The following OPCML variants were observed in gnomAD, a reference collection of about 807,000 sequenced individuals.
The protein encoded by OPCML is opioid binding protein/cell adhesion molecule like.
A neutral mutation model predicts 37.8 loss-of-function variants in OPCML; 13 were observed. That is an observed-to-expected ratio of 0.34 (90% CI 0.22 to 0.55). The LOEUF (loss-of-function observed/expected upper bound fraction) is 0.55, where lower values mean the gene tolerates loss of function less well. OPCML is among the 20% of genes least tolerant of loss of function. OPCML has a pLI of 0.91. For synonymous variants in OPCML, 176 were observed against 168.8 expected (o/e 1.04, Z -0.33); for missense variants, 341 against 435.6 (o/e 0.78, Z 1.93).
intron 1 of OPCML, among the ~76,000 whole-genome samples, chr11:133,367,633 T>TG (rs1395340786): frequency 1.3e-5 from 2 of 152,178 alleles, no homozygotes; most frequent in East Asian, 3.9e-4. Flanking sequence ...CAGTTAAGAG[T>TG]GGTTCCAATT....
chr11:133,158,902 T>C (rs963051336), intron 1 of OPCML, among the ~76,000 whole-genome samples: 24 of 152,072 alleles, frequency 1.6e-4, no homozygotes, highest in African/African-American at 5.6e-4. Flanking sequence ...GGCAGAAATG[T>C]GGTCAACAGC....
intron 2 of OPCML, among the ~76,000 whole-genome samples, chr11:132,822,223 G>A (rs1940035840): frequency 6.6e-6 from 1 of 151,354 alleles, no homozygotes; most frequent in Non-Finnish European, 1.5e-5. Context: ...CCTGTTTGAA[G>A]GCCCTCCATG....
intron 4 of OPCML, among the ~76,000 whole-genome samples, chr11:132,457,008 G>T (rs1244210996): frequency 2.0e-5 from 3 of 152,200 alleles, no homozygotes; most frequent in East Asian, 1.9e-4. Context: ...TGCATGGGGG[G>T]AGGGATGCCG....
rs377686649 is a variant in OPCML, at chr11:132,759,344, T to C, written c.147-102025A>G. ...TGAGTTAGTGAGGAGTCTCTCTTTT[T>C]CTATTGTTTGGAATAGTTTTAGAAG... On this transcript the variant is annotated intron_variant, in intron 2 of 7. Coordinates refer to ENST00000524381, the MANE Select transcript of OPCML (RefSeq NM_001012393.5). Among the ~76,000 whole-genome samples, 324 of 152,330 alleles carry C rather than the reference T, an allele frequency of 2.1e-3. 2 individuals are homozygous for C. Among genetic ancestry groups the C allele is most frequent in the African/African-American group, 7.4e-3 (309 of 41,578 alleles).
chr11:133,039,398 A>G (rs4387353), intron 1 of OPCML, among the ~76,000 whole-genome samples: 27,661 of 152,054 alleles, frequency 0.18, 2,790 homozygotes, highest in Admixed American at 0.31. Flanking sequence ...TTGCCTCCTC[A>G]TGCCTTCCAA....
At chr11:133,433,676 C>A (rs966343862) in intron 1 of OPCML, among the ~76,000 whole-genome samples, 2 of 152,178 alleles carry the variant, frequency 1.3e-5, no homozygotes, top group Non-Finnish European at 2.9e-5. Context: ...TCCCAAGAAG[C>A]CTCTCTTGCC....
chr11:132,426,663 C>T (rs1244293729), intron 7 of OPCML, among the ~76,000 whole-genome samples: 2 of 152,168 alleles, frequency 1.3e-5, no homozygotes, highest in Non-Finnish European at 2.9e-5. Context: ...AACTGCTAGC[C>T]TCAAGTGACC....
intron 1 of OPCML, among the ~76,000 whole-genome samples, chr11:133,002,516 C>G (rs542750165): frequency 1.3e-5 from 2 of 152,302 alleles, no homozygotes; most frequent in African/African-American, 2.4e-5. Flanking sequence ...CTTTCTTTAT[C>G]TATCAAATAA....
chr11:133,450,266 C>A (rs558208917), intron 1 of OPCML, among the ~76,000 whole-genome samples: 2 of 151,790 alleles, frequency 1.3e-5, no homozygotes, highest in East Asian at 3.9e-4. Context: ...TAGGTATAGT[C>A]AAAATCATCC....
chr11:132,712,917 C>G (rs1944325408), intron 2 of OPCML, among the ~76,000 whole-genome samples: 1 of 152,226 alleles, frequency 6.6e-6, no homozygotes, highest in Admixed American at 6.5e-5. Flanking sequence ...CCTCATCGCT[C>G]TTCATCACTG....
intron 1 of OPCML, among the ~76,000 whole-genome samples, chr11:133,101,617 G>T (rs1303975142): frequency 6.6e-6 from 1 of 152,122 alleles, no homozygotes; most frequent in African/African-American, 2.4e-5. Context: ...ATTTATTGCT[G>T]GTTGGAATGC....
At chr11:132,815,299 G>A (rs1451274414) in intron 2 of OPCML, among the ~76,000 whole-genome samples, 2 of 152,124 alleles carry the variant, frequency 1.3e-5, no homozygotes, top group African/African-American at 4.8e-5. Flanking sequence ...TGACCTGTCA[G>A]CCCGCTGAAT....
At chr11:132,784,561 T>C (rs1467191994) in intron 2 of OPCML, among the ~76,000 whole-genome samples, 3 of 152,166 alleles carry the variant, frequency 2.0e-5, no homozygotes, top group Non-Finnish European at 2.9e-5. Context: ...ACTGGACTGA[T>C]GTGCGATATG....
intron 1 of OPCML, chr11:133,418,102 G>A: frequency 1.0e-6 from 1 of 985,388 alleles, no homozygotes; most frequent in African/African-American, 1.7e-5. Context: ...TGGTTCGGAG[G>A]ACTGGTAAGA....
At chr11:132,884,851 G>C (rs1452268698) in intron 2 of OPCML, among the ~76,000 whole-genome samples, 1 of 152,208 alleles carries the variant, frequency 6.6e-6, no homozygotes, top group Admixed American at 6.5e-5. Flanking sequence ...TGATTGCTCA[G>C]ATTTGTGACA....
At chr11:133,027,275 A>G (rs1947571495) in intron 1 of OPCML, among the ~76,000 whole-genome samples, 1 of 152,262 alleles carries the variant, frequency 6.6e-6, no homozygotes, top group Admixed American at 6.5e-5. Flanking sequence ...AATAGTAATA[A>G]TCTGTACCAC....
chr11:133,451,506 G>GA (rs1209170324), intron 1 of OPCML, among the ~76,000 whole-genome samples: 1 of 151,740 alleles, frequency 6.6e-6, no homozygotes, highest in Non-Finnish European at 1.5e-5. Flanking sequence ...AGAGGTGCCA[G>GA]AAAAAAGATA....
chr11:132,776,574 T>C (rs1356545937), intron 2 of OPCML, among the ~76,000 whole-genome samples: 1 of 150,328 alleles, frequency 6.7e-6, no homozygotes, highest in Non-Finnish European at 1.5e-5. Context: ...CACTTCCCCC[T>C]CTCTCTCTCT....
chr11:133,298,758 C>T (rs1408214012), intron 1 of OPCML: 4 of 152,128 alleles, frequency 2.6e-5, no homozygotes, highest in Admixed American at 2.0e-4. Flanking sequence ...CCCCAATGAA[C>T]CTTGACTTTC....
Sources: gnomAD v4.1 joint callset for allele counts (sites outside exome capture counted in the v4.1 genomes callset) on GRCh38, gnomAD v4.1.1 for gene constraint, MANE v1.5 for transcripts, NCBI Gene and HGNC (gene_info 2026-07-23, HGNC 2026-07-21) for gene names.